ATRX: variants seen among roughly 807,000 people sequenced by gnomAD.
ATRX encodes the protein chromatin remodeler ATRX.
In ATRX, 12 loss-of-function variants were observed where a neutral mutation model predicts 172.6. The ratio of observed to expected loss-of-function variants is 0.07; its 90% CI spans 0.04 to 0.11. The LOEUF is 0.11. Among genes scored for constraint, ATRX ranks in the 10% least tolerant of loss-of-function variants. ATRX has a pLI of 1.00. For missense variants in ATRX, 1,368 were observed against 1,767.4 expected, an observed-to-expected ratio of 0.77 and a Z score of 4.05; for synonymous variants, 674 against 594.7, an observed-to-expected ratio of 1.13 and a Z score of -1.94.
At chrX:77,659,286 A>C (rs80179543) in intron 12 of ATRX, among the ~76,000 whole-genome samples, 7 of 111,171 alleles carry the variant, frequency 6.3e-5, no homozygotes, top group African/African-American at 1.3e-4. Context: ...GAATACCAAA[A>C]ACACACACAC....
intron 1 of ATRX, among the ~76,000 whole-genome samples, chrX:77,766,523 C>T (rs1191274022): frequency 9.3e-6 from 1 of 107,994 alleles, no homozygotes; most frequent in Non-Finnish European, 1.9e-5. Context: ...CAGGCAGAGA[C>T]GCTCCTCACC....
At position 77,710,142 on chromosome X, in the gene ATRX, T is replaced by TA. The variant is rs370949816; in HGVS notation, c.133+6988dup. Among the ~76,000 whole-genome samples, 889 of 109,574 alleles carry TA rather than the reference T, an allele frequency of 8.1e-3. 8 individuals carry two copies. Among genetic ancestry groups the TA allele is most frequent in the African/African-American group, 0.028 (829 of 30,097 alleles). ...GGTGAAACCTCGTCTCTACTATAAA[T>TA]ACAAAAATTAGCCGGGTGTGGTGGC... On this transcript the variant is annotated intron_variant, in intron 2 of 34. Transcript: ENST00000373344.
At chrX:77,547,248 T>C (rs112768739) in intron 30 of ATRX, among the ~76,000 whole-genome samples, 2 of 111,314 alleles carry the variant, frequency 1.8e-5, no homozygotes, top group Non-Finnish European at 3.8e-5. Context: ...CTCTCCCCAA[T>C]AGAATCTTGC....
chrX:77,760,845 C>T (rs1187708153), intron 1 of ATRX, among the ~76,000 whole-genome samples: 1 of 111,718 alleles, frequency 9.0e-6, no homozygotes, highest in Non-Finnish European at 1.9e-5. Context: ...CAATTACTTA[C>T]TTCTGAAAAT....
Position 77,680,712 on chromosome X carries a change from C to G in ATRX, c.3736+808G>C, listed in dbSNP as rs782017652. On this transcript the variant is annotated intron_variant, in intron 9 of 34. Coordinates refer to ENST00000373344, the MANE Select transcript of ATRX (RefSeq NM_000489.6). ...CTTTATAAACATTTTTAAATAAATT[C>G]TGAGTATCCATAGAACTGACAGGTC... Among the ~76,000 whole-genome samples, 5 of 110,567 alleles carry G rather than the reference C, an allele frequency of 4.5e-5. No individual in the cohort carries two copies. The South Asian group carries it at 1.9e-3, about 42-fold the overall frequency.
chrX:77,751,917 A>G (rs2075316409), intron 1 of ATRX, among the ~76,000 whole-genome samples: 1 of 111,707 alleles, frequency 9.0e-6, no homozygotes, highest in African/African-American at 3.3e-5. Context: ...TGGTTACTGG[A>G]GCCTTGTAGT....
intron 34 of ATRX, among the ~76,000 whole-genome samples, chrX:77,518,465 T>C (rs935312824): frequency 8.9e-6 from 1 of 111,873 alleles, no homozygotes; most frequent in Non-Finnish European, 1.9e-5. Context: ...GAAAGATGTC[T>C]ACAATGAAAA....
At chrX:77,721,291 A>G (rs782578566) in intron 1 of ATRX, among the ~76,000 whole-genome samples, 56 of 111,137 alleles carry the variant, frequency 5.0e-4, no homozygotes, top group Non-Finnish European at 8.7e-4. Context: ...CACTCTCACC[A>G]CTCCTATTCA....
At chrX:77,776,985 T>C (rs2076372026) in intron 1 of ATRX, among the ~76,000 whole-genome samples, 2 of 110,267 alleles carry the variant, frequency 1.8e-5, no homozygotes, top group South Asian at 3.8e-4. Flanking sequence ...CTACTAGGTC[T>C]CTGCTGCAGC....
Position 77,506,861 on chromosome X carries a change from C to A in ATRX, c.*1490G>T. On this transcript the variant is annotated 3_prime_UTR_variant, in exon 35 of 35. Transcript: ENST00000373344. ...TAGCTAATGTTAAACTCATTCTAAT[C>A]CAGTGATACCTAAAGCAAAGCCCAA... 5.9e-6 allele frequency: 1 copy of A among 168,640 alleles called. No individual in the cohort carries two copies. The allele number at this position is 168,640 out of a possible 1,213,427, so 13.9% of individuals were successfully genotyped here. A position where few individuals can be genotyped will look rare whatever the true frequency, so the allele number is the denominator to read the frequency against.
intron 7 of ATRX, 124 bp downstream of exon 7, chrX:77,688,694 T>C (rs2071717222): frequency 9.0e-6 from 5 of 557,157 alleles, no homozygotes; most frequent in Admixed American, 2.6e-5. Context: ...TTCCCCACTA[T>C]AGTAGAAGTC....
chrX:77,593,971 AG>A, intron 25 of ATRX, 122 bp from the exon 26 acceptor site: 1 of 632,607 alleles, frequency 1.6e-6, no homozygotes, highest in Non-Finnish European at 2.5e-6. Context: ...GACTTGGGAG[AG>A]GGGAGGGAAA....
At chrX:77,783,721 T>TTA (rs782462532) in intron 1 of ATRX, among the ~76,000 whole-genome samples, 228 of 112,158 alleles carry the variant, frequency 2.0e-3, no homozygotes, top group African/African-American at 7.2e-3. Context: ...GCATTACCTG[T>TTA]CAGATTCTCC....
chrX:77,719,106 T>A (rs2073606194), intron 1 of ATRX, among the ~76,000 whole-genome samples: 1 of 111,234 alleles, frequency 9.0e-6, no homozygotes, highest in African/African-American at 3.3e-5. Context: ...GCCCCATTTT[T>A]AATAAAAGTC....
Position 77,614,268 on chromosome X carries a change from T to C in ATRX, c.5566+2345A>G, listed in dbSNP as rs782283672. ...AGAGAAATACTGTGAAGATTTGTAC[T>C]GAGAATCAAGACAGAGTAGCCATTC... On this transcript the variant is annotated intron_variant, in intron 22 of 34. Coordinates refer to ENST00000373344, the MANE Select transcript of ATRX (RefSeq NM_000489.6). Among the ~76,000 whole-genome samples, 10 of 112,233 alleles carry C rather than the reference T, an allele frequency of 8.9e-5. No individual in the cohort carries two copies. In the South Asian group the frequency reaches 2.9e-3, roughly 33 times the overall value.
chrX:77,622,103 C>T (rs1240959359), intron 19 of ATRX, among the ~76,000 whole-genome samples: 1 of 111,512 alleles, frequency 9.0e-6, no homozygotes, highest in African/African-American at 3.3e-5. Context: ...GTCAATTTTA[C>T]AATAATTATC....
intron 26 of ATRX, among the ~76,000 whole-genome samples, chrX:77,591,323 A>C (rs781870358): frequency 8.9e-6 from 1 of 112,167 alleles, no homozygotes; most frequent in East Asian, 2.8e-4. Flanking sequence ...AAAGAAATAA[A>C]ATCTAGAAAG....
At chrX:77,546,480 T>C (rs1485361988) in intron 30 of ATRX, among the ~76,000 whole-genome samples, 3 of 110,609 alleles carry the variant, frequency 2.7e-5, no homozygotes, top group South Asian at 3.9e-4. Flanking sequence ...AGGTCTTAGA[T>C]GAAGCCAGGA....
intron 22 of ATRX, among the ~76,000 whole-genome samples, chrX:77,612,219 G>A (rs781870226): frequency 9.0e-6 from 1 of 111,014 alleles, no homozygotes; most frequent in South Asian, 3.8e-4. Flanking sequence ...TAGATGCATC[G>A]GCCCTACTCC....
Sources: allele counts gnomAD v4.1 joint callset (sites outside exome capture counted in the v4.1 genomes callset), GRCh38; gene constraint gnomAD v4.1.1; transcripts MANE v1.5; gene names NCBI Gene and HGNC (gene_info 2026-07-23, HGNC 2026-07-21).